ENAH: variants seen among roughly 807,000 people sequenced by gnomAD.
ENAH encodes ENAH actin regulator.
ENAH carries 23 observed loss-of-function variants against 78.7 expected under a neutral mutation model. That is an observed-to-expected ratio of 0.29 (90% CI 0.21 to 0.41). The LOEUF (loss-of-function observed/expected upper bound fraction) is 0.41, where lower values mean the gene tolerates loss of function less well. ENAH is among the 10% of genes least tolerant of loss of function. The pLI is 1.00. For synonymous variants in ENAH, 226 were observed against 241.0 expected (o/e 0.94, Z 0.58); for missense variants, 544 against 691.0 (o/e 0.79, Z 2.39).
chr1:225,570,170 CAAA>C (rs397937817), intron 1 of ENAH, among the ~76,000 whole-genome samples: 4 of 121,308 alleles, frequency 3.3e-5, no homozygotes, highest in Admixed American at 1.7e-4. Context: ...TGCTCCATCT[CAAA>C]AAAAAAAAAA....
At chr1:225,526,113 C>T (rs1211913310) in intron 4 of ENAH, among the ~76,000 whole-genome samples, 1 of 152,098 alleles carries the variant, frequency 6.6e-6, no homozygotes, top group East Asian at 1.9e-4. Context: ...CAATGAGTTC[C>T]AGCAAATTTT....
intron 2 of ENAH, among the ~76,000 whole-genome samples, chr1:225,556,316 A>G (rs573024791): frequency 1.3e-5 from 2 of 152,220 alleles, no homozygotes; most frequent in South Asian, 2.1e-4. Flanking sequence ...AGTAATTTAC[A>G]TTTCCACAAG....
At chr1:225,583,433 CAAAA>C (rs67324652) in intron 1 of ENAH, among the ~76,000 whole-genome samples, 6 of 100,532 alleles carry the variant, frequency 6.0e-5, no homozygotes, top group Non-Finnish European at 4.0e-5. Context: ...GACCCTGTAT[CAAAA>C]AAAAAAAAAA....
chr1:225,574,514 T>C (rs1336213117), intron 1 of ENAH, among the ~76,000 whole-genome samples: 6 of 151,532 alleles, frequency 4.0e-5, no homozygotes, highest in Admixed American at 3.9e-4. Flanking sequence ...AGACATGAGA[T>C]TCGCTTGAAC....
intron 3 of ENAH, among the ~76,000 whole-genome samples, chr1:225,535,757 G>A (rs959859989): frequency 5.9e-5 from 9 of 152,078 alleles, no homozygotes; most frequent in Non-Finnish European, 1.2e-4. Context: ...AAAAATTTAT[G>A]CAATCGTTTT....
chr1:225,530,443 A>T (rs1184136534), intron 4 of ENAH, 111 bp downstream of exon 4: 7 of 798,502 alleles, frequency 8.8e-6, no homozygotes, highest in African/African-American at 6.8e-5. Flanking sequence ...TAAGAATAAA[A>T]GTTGTGACTC....
Position 225,519,364 on chromosome 1 carries a change from C to T in ENAH, c.636G>A (p.Arg212=), listed in dbSNP as rs747218725. The T allele has an allele frequency of 3.7e-6, 6 of 1,609,556 alleles. No individual in the cohort carries two copies. The highest frequency in any genetic ancestry group is 5.1e-6 in the Non-Finnish European group (6 of 1,177,898). The part of the protein sequence containing the change: ...ERLERQERLE[R]QERLERQERL... Reference sequence around the variant, plus strand: ...GTTCCTGCCGCTCCAGGCGTTCCTGCCGCTCCAGGCGTTCCTGCCGCTCCA... The same window carrying T: ...GTTCCTGCCGCTCCAGGCGTTCCTGTCGCTCCAGGCGTTCCTGCCGCTCCA... Residue 212 remains arginine, a synonymous_variant, in exon 5 of 14, where the codon CGG becomes CGA. Transcript: ENST00000366843.
intron 2 of ENAH, among the ~76,000 whole-genome samples, chr1:225,562,097 A>G (rs2096709081): frequency 6.6e-6 from 1 of 151,778 alleles, no homozygotes; most frequent in Admixed American, 6.6e-5. Flanking sequence ...TAATTTTTGT[A>G]TTTTTAGTAG....
chr1:225,503,740 T>TTAA (rs1223020043), intron 11 of ENAH, among the ~76,000 whole-genome samples: 3 of 148,000 alleles, frequency 2.0e-5, no homozygotes, highest in Admixed American at 2.0e-4. Context: ...GCTGACAAAA[T>TTAA]TAACTTGTCA....
chr1:225,532,247 G>A lies in ENAH; in HGVS notation c.350-1609C>T, dbSNP rs192882149. ...CTGGGGACACACAAGTGTGGGGAGG[G>A]GCGGGTAAATCTGAGGTAGCATGAA... On this transcript the variant is annotated intron_variant, in intron 3 of 13. Coordinates refer to ENST00000366843, the MANE Select transcript of ENAH (RefSeq NM_018212.6). Among the ~76,000 whole-genome samples, 55 of 152,170 alleles carry A rather than the reference G, an allele frequency of 3.6e-4. 1 individual carries two copies. The highest frequency in any genetic ancestry group is 3.0e-3 in the Admixed American group (46 of 15,300).
At chr1:225,613,749 AAC>A (rs1375430267) in intron 1 of ENAH, among the ~76,000 whole-genome samples, 2 of 152,302 alleles carry the variant, frequency 1.3e-5, no homozygotes, top group African/African-American at 4.8e-5. Flanking sequence ...TGGGGAAAAA[AAC>A]AGTGTTTTTT....
At chr1:225,567,778 C>G (rs981127222) in intron 1 of ENAH, among the ~76,000 whole-genome samples, 6 of 152,106 alleles carry the variant, frequency 3.9e-5, no homozygotes, top group African/African-American at 9.7e-5. Context: ...ATGGCAAAAA[C>G]TGCAATTACT....
At chr1:225,555,928 T>C (rs1284349289) in intron 2 of ENAH, among the ~76,000 whole-genome samples, 1 of 152,240 alleles carries the variant, frequency 6.6e-6, no homozygotes, top group Non-Finnish European at 1.5e-5. Flanking sequence ...TTCCTATTAT[T>C]AATCGAGTTT....
chr1:225,582,700 C>T (rs1330710849), intron 1 of ENAH, among the ~76,000 whole-genome samples: 1 of 152,164 alleles, frequency 6.6e-6, no homozygotes, highest in Non-Finnish European at 1.5e-5. Flanking sequence ...ATGTGTAGGG[C>T]AGTTTCCAAG....
intron 1 of ENAH, among the ~76,000 whole-genome samples, chr1:225,598,696 G>A (rs1161712134): frequency 6.6e-6 from 1 of 151,902 alleles, no homozygotes; most frequent in Non-Finnish European, 1.5e-5. Flanking sequence ...AAAAATAAAA[G>A]AATGGGAAAA....
chr1:225,651,012 G>C (rs966668291), intron 1 of ENAH, among the ~76,000 whole-genome samples: 2 of 151,632 alleles, frequency 1.3e-5, no homozygotes, highest in Admixed American at 1.3e-4. Flanking sequence ...AATATTACAA[G>C]ATATAACAGT....
intron 2 of ENAH, among the ~76,000 whole-genome samples, chr1:225,555,797 T>C (rs1266082269): frequency 6.6e-6 from 1 of 152,168 alleles, no homozygotes; most frequent in African/African-American, 2.4e-5. Flanking sequence ...CAAAAGGTAC[T>C]AGCCACACTT....
At chr1:225,650,827 GC>G (rs1167249768) in intron 1 of ENAH, among the ~76,000 whole-genome samples, 1 of 126,090 alleles carries the variant, frequency 7.9e-6, no homozygotes, top group Non-Finnish European at 1.6e-5. Flanking sequence ...TCCAGCCTGG[GC>G]AAGAGAGCAA....
chr1:225,502,981 G>C (rs550962600), intron 11 of ENAH, among the ~76,000 whole-genome samples: 1 of 152,198 alleles, frequency 6.6e-6, no homozygotes, highest in Non-Finnish European at 1.5e-5. Context: ...ATGAACTACA[G>C]CCTGCTATTT....
Sources: gnomAD v4.1 joint callset for allele counts (sites outside exome capture counted in the v4.1 genomes callset) on GRCh38, gnomAD v4.1.1 for gene constraint, MANE v1.5 for transcripts, NCBI Gene and HGNC (gene_info 2026-07-23, HGNC 2026-07-21) for gene names.